The following CATSPERB variants were observed in gnomAD, a reference collection of about 807,000 sequenced individuals.
CATSPERB encodes catsper channel auxiliary subunit beta.
Under a neutral mutation model 128.3 loss-of-function variants are expected in CATSPERB, and 93 were observed. The observed-to-expected ratio is 0.72, with a 90% CI of 0.61 to 0.86. The LOEUF is 0.86. Ranked by LOEUF, CATSPERB falls within the 40% of genes least tolerant of loss-of-function variation. CATSPERB has a pLI of 0.00. For missense variants in CATSPERB, 1,153 were observed against 1,329.5 expected (o/e 0.87, Z 2.06); for synonymous variants, 381 against 448.8 (o/e 0.85, Z 1.91).
intron 15 of CATSPERB, among the ~76,000 whole-genome samples, chr14:91,653,676 G>A (rs1346595421): frequency 1.3e-5 from 2 of 152,166 alleles, no homozygotes; most frequent in Non-Finnish European, 2.9e-5. Context: ...CATGAGAATA[G>A]CACAGGAAAA....
At chr14:91,585,758 T>C (rs1433771006) in intron 26 of CATSPERB, among the ~76,000 whole-genome samples, 1 of 152,216 alleles carries the variant, frequency 6.6e-6, no homozygotes, top group Non-Finnish European at 1.5e-5. Flanking sequence ...TCAGATTGTA[T>C]CCTGGTGAAT....
chr14:91,682,115 A>C (rs748502871), intron 11 of CATSPERB, among the ~76,000 whole-genome samples: 15 of 152,208 alleles, frequency 9.9e-5, no homozygotes, highest in Non-Finnish European at 1.9e-4. Flanking sequence ...CTTCCACTGC[A>C]GGCTTGCCGT....
chr14:91,669,674 A>T lies in CATSPERB; in HGVS notation c.1287+140T>A. On this transcript the variant is annotated intron_variant, in intron 14 of 26. Transcript: ENST00000256343. Reference sequence around the variant, plus strand: ...TGGACACCAAGCTTAGTATACAATAAATAGTCAATAAATATTGTCTTCCCT... The same window carrying T: ...TGGACACCAAGCTTAGTATACAATATATAGTCAATAAATATTGTCTTCCCT... The T allele has an allele frequency of 1.4e-5, 11 of 785,626 alleles. No homozygotes were observed. The South Asian group carries it at 2.5e-4, about 18-fold the overall frequency. The allele number at this position is 785,626 out of a possible 1,614,324, so 48.7% of individuals were successfully genotyped here. A position where few individuals can be genotyped will look rare whatever the true frequency, so the allele number is the denominator to read the frequency against.
In CATSPERB at chr14:91,652,585, C is replaced by T. The variant is rs188484957; in HGVS notation, c.1432+7252G>A. Among the ~76,000 whole-genome samples, 1,124 of 141,436 alleles carry T rather than the reference C, an allele frequency of 7.9e-3. 8 individuals carry two copies. The highest frequency in any genetic ancestry group is 0.027 in the African/African-American group (1,032 of 38,348). 92.8% of individuals were successfully genotyped at this position (141,436 alleles called of 152,430 possible). ...ACTCGGGAGGCTGAGGCAGGAGAATCGCTTGAACCCGGGAGGCGGAGGTTG... is the reference window on the plus strand; with the variant it reads ...ACTCGGGAGGCTGAGGCAGGAGAATTGCTTGAACCCGGGAGGCGGAGGTTG... On this transcript the variant is annotated intron_variant, in intron 15 of 26. Transcript: ENST00000256343.
chr14:91,661,762 G>A (rs762028137), intron 14 of CATSPERB, among the ~76,000 whole-genome samples: 3 of 151,806 alleles, frequency 2.0e-5, no homozygotes, highest in African/African-American at 7.3e-5. Flanking sequence ...GGGCTCAAGC[G>A]ATTCTCCTGC....
chr14:91,610,372 G>C (rs1282543138), intron 21 of CATSPERB, 108 bp downstream of exon 21: 1 of 793,056 alleles, frequency 1.3e-6, no homozygotes, highest in African/African-American at 1.7e-5. Context: ...ACTGTGAAGT[G>C]TTTTGAGCCA....
intron 11 of CATSPERB, among the ~76,000 whole-genome samples, chr14:91,676,302 T>C (rs1895192273): frequency 6.6e-6 from 1 of 152,244 alleles, no homozygotes; most frequent in Non-Finnish European, 1.5e-5. Flanking sequence ...CAGGGAATTA[T>C]TGATACAGAG....
intron 17 of CATSPERB, among the ~76,000 whole-genome samples, chr14:91,628,220 C>T (rs1257721689): frequency 6.6e-6 from 1 of 152,246 alleles, no homozygotes; most frequent in East Asian, 1.9e-4. Flanking sequence ...GATCCTCCTG[C>T]CTCAGACTCT....
intron 11 of CATSPERB, 83 bp from the exon 12 acceptor site, chr14:91,674,305 T>C (rs1002822242): frequency 5.1e-6 from 4 of 778,444 alleles, no homozygotes; most frequent in Non-Finnish European, 8.5e-6. Context: ...ATAGTCTTCA[T>C]GAAAATCATA....
chr14:91,697,334 G>A (rs117845311), intron 7 of CATSPERB, among the ~76,000 whole-genome samples: 340 of 152,100 alleles, frequency 2.2e-3, no homozygotes, highest in Non-Finnish European at 2.1e-3. Flanking sequence ...AGGAAAATAA[G>A]GATGTTGGGT....
At chr14:91,651,828 A>G (rs2044046816) in intron 15 of CATSPERB, among the ~76,000 whole-genome samples, 1 of 152,222 alleles carries the variant, frequency 6.6e-6, no homozygotes, top group Non-Finnish European at 1.5e-5. Context: ...TGGAGAGCTT[A>G]CAAAAGCAGA....
chr14:91,666,318 G>A (rs1399258980), intron 14 of CATSPERB, among the ~76,000 whole-genome samples: 1 of 152,142 alleles, frequency 6.6e-6, no homozygotes, highest in Non-Finnish European at 1.5e-5. Context: ...GCCAACTATG[G>A]ATCCCTGGAT....
intron 17 of CATSPERB, among the ~76,000 whole-genome samples, chr14:91,633,866 A>T (rs569171410): frequency 2.6e-5 from 4 of 152,058 alleles, no homozygotes; most frequent in Non-Finnish European, 5.9e-5. Flanking sequence ...AGAGAGAGAG[A>T]GTGTCAGGAA....
At chr14:91,719,385 AG>A in intron 5 of CATSPERB, 32 bp downstream of exon 5, 1 of 1,452,688 alleles carries the variant, frequency 6.9e-7, no homozygotes, top group Non-Finnish European at 9.4e-7. Flanking sequence ...ATCCAGACCC[AG>A]GGGTAAAAGA....
In CATSPERB at chr14:91,604,644, A is replaced by G. The variant is rs1893666807; in HGVS notation, c.2709+3650T>C. The G allele has an allele frequency of 3.7e-6, 6 of 1,611,966 alleles. No homozygotes were observed. The East Asian group carries it at 1.3e-4, about 36-fold the overall frequency. On this transcript the variant is annotated intron_variant, in intron 22 of 26. Transcript: ENST00000256343. ...TGATTGTTCCAGGACTGGGTGCACC[A>G]GGTCTGAGTGTTCCAGGAGTGGTTG...
Position 91,672,440 on chromosome 14 carries a change from A to G in CATSPERB, c.1128+427T>C, listed in dbSNP as rs148466453. Among the ~76,000 whole-genome samples the G allele has an allele frequency of 1.7e-3, 255 of 152,170 alleles. 1 individual carries two copies. Among genetic ancestry groups the G allele is most frequent in the African/African-American group, 5.7e-3 (237 of 41,528 alleles). ...GGGATTACAGGCATGAGCCATCACA[A>G]CTGTCAGTTTATGTGTTTTTTAATG... On this transcript the variant is annotated intron_variant, in intron 13 of 26. Transcript: ENST00000256343.
rs564230204 is a variant in CATSPERB, at chr14:91,609,996, C to T, written c.2598+484G>A. Among the ~76,000 whole-genome samples the T allele has an allele frequency of 2.0e-5, 3 of 152,328 alleles. No homozygotes were observed. The East Asian group carries it at 5.8e-4, about 29-fold the overall frequency. On this transcript the variant is annotated intron_variant, in intron 21 of 26. Coordinates refer to ENST00000256343, the MANE Select transcript of CATSPERB (RefSeq NM_024764.4). ...TTGACCTCCCAAAGTGCTGGGATTA[C>T]AGGCGTGAGCCACCACGCCTGGCTG...
chr14:91,582,744 AC>A (rs1893225299), intron 26 of CATSPERB, among the ~76,000 whole-genome samples: 2 of 152,202 alleles, frequency 1.3e-5, no homozygotes, highest in African/African-American at 2.4e-5. Flanking sequence ...CAAAGAAACC[AC>A]CTGACTGCAG....
rs866207723 is a variant in CATSPERB, at chr14:91,605,269, G to A, written c.2709+3025C>T. 240 of 1,170,642 alleles carry A rather than the reference G, an allele frequency of 2.1e-4. 1 individual carries two copies. In the Middle Eastern group the frequency reaches 5.3e-3, roughly 26 times the overall value. The allele number at this position is 1,170,642 out of a possible 1,614,324, so 72.5% of individuals were successfully genotyped here. A position where few individuals can be genotyped will look rare whatever the true frequency, so the allele number is the denominator to read the frequency against. Reference sequence around the variant, plus strand: ...GTGTAAGTGAAGAGTCTTTACAGACGGATGCGTTGGAGCAAGGCAGGCTTT... The same window carrying A: ...GTGTAAGTGAAGAGTCTTTACAGACAGATGCGTTGGAGCAAGGCAGGCTTT... On this transcript the variant is annotated intron_variant, in intron 22 of 26. Coordinates refer to ENST00000256343, the MANE Select transcript of CATSPERB (RefSeq NM_024764.4).
Sources: gnomAD v4.1 joint callset for allele counts (sites outside exome capture counted in the v4.1 genomes callset) on GRCh38, gnomAD v4.1.1 for gene constraint, MANE v1.5 for transcripts, NCBI Gene and HGNC (gene_info 2026-07-23, HGNC 2026-07-21) for gene names.